Variants in MTM1 observed in about 807,000 individuals in gnomAD.
The protein encoded by MTM1 is myotubularin.
Under a neutral mutation model 52.1 loss-of-function variants are expected in MTM1, and 9 were observed. The ratio of observed to expected loss-of-function variants is 0.17; its 90% CI spans 0.10 to 0.30. MTM1 has a LOEUF of 0.30. Among genes scored for constraint, MTM1 ranks in the 10% least tolerant of loss-of-function variants. The pLI, the probability that MTM1 is intolerant of heterozygous loss-of-function variation, is 1.00. For missense variants in MTM1, 277 were observed against 470.7 expected (o/e 0.59, Z 3.81); for synonymous variants, 136 against 163.8 (o/e 0.83, Z 1.29).
At chrX:150,635,320 G>A in intron 6 of MTM1, among the ~76,000 whole-genome samples, 1 of 112,137 alleles carries the variant, frequency 8.9e-6, no homozygotes. Flanking sequence ...TGGTTATAGT[G>A]GAAAATACTT....
At chrX:150,600,036 G>A (rs782369501) in intron 4 of MTM1, among the ~76,000 whole-genome samples, 3 of 111,621 alleles carry the variant, frequency 2.7e-5, no homozygotes, top group African/African-American at 9.7e-5. Context: ...GACAGACTCC[G>A]GTAAAGACAC....
chrX:150,605,462 C>A (rs1439169236), intron 4 of MTM1, among the ~76,000 whole-genome samples: 2 of 112,317 alleles, frequency 1.8e-5, no homozygotes, highest in East Asian at 5.6e-4. Context: ...TGTTGTTTGG[C>A]TTTTCTCTAA....
At chrX:150,596,743 G>A (rs2038983502) in intron 3 of MTM1, 173 bp downstream of exon 3, 3 of 428,850 alleles carry the variant, frequency 7.0e-6, no homozygotes, top group East Asian at 4.0e-5. Context: ...GAGTTCTTTT[G>A]AGAGCTTCAT....
In MTM1 at chrX:150,645,156, G is replaced by A. The variant is rs1006607355; in HGVS notation, c.679-527G>A. Among the ~76,000 whole-genome samples the A allele has an allele frequency of 8.1e-5, 9 of 111,510 alleles. No individual in the cohort carries two copies. In the South Asian group the frequency reaches 3.4e-3, roughly 42 times the overall value. ...GATGTCCACACTGCACTGTGGAGACGAGCAGATCTATGCTCTTTGGGCTGT... is the reference window on the plus strand; with the variant it reads ...GATGTCCACACTGCACTGTGGAGACAAGCAGATCTATGCTCTTTGGGCTGT... On this transcript the variant is annotated intron_variant, in intron 8 of 14. Coordinates refer to ENST00000370396, the MANE Select transcript of MTM1 (RefSeq NM_000252.3).
chrX:150,589,082 A>G (rs1557412379), intron 1 of MTM1, among the ~76,000 whole-genome samples: 1 of 112,028 alleles, frequency 8.9e-6, no homozygotes, highest in Non-Finnish European at 1.9e-5. Context: ...TTGGTTGGCT[A>G]GGTGAGTTGA....
At chrX:150,622,095 G>A (rs1267831348) in intron 6 of MTM1, among the ~76,000 whole-genome samples, 1 of 109,490 alleles carries the variant, frequency 9.1e-6, no homozygotes, top group African/African-American at 3.3e-5. Flanking sequence ...TCCACAGAGG[G>A]CTTGATTTCT....
intron 5 of MTM1, among the ~76,000 whole-genome samples, chrX:150,615,236 G>A (rs1403007300): frequency 9.0e-6 from 1 of 111,570 alleles, no homozygotes; most frequent in Admixed American, 9.5e-5. Context: ...CCTCTGAGAT[G>A]GCGTGATGGG....
intron 4 of MTM1, among the ~76,000 whole-genome samples, chrX:150,612,789 G>A (rs2039308518): frequency 9.0e-6 from 1 of 111,441 alleles, no homozygotes; most frequent in African/African-American, 3.3e-5. Flanking sequence ...TTTGAGACCA[G>A]CCTGGCCAAC....
chrX:150,642,794 A>G (rs905019783), intron 8 of MTM1, among the ~76,000 whole-genome samples: 12 of 111,750 alleles, frequency 1.1e-4, no homozygotes, highest in African/African-American at 2.6e-4. Flanking sequence ...GGTGAATTCT[A>G]TGGGATTTGA....
At chrX:150,645,629 G>A in intron 8 of MTM1, 54 bp from the exon 9 acceptor site, 1 of 1,090,867 alleles carries the variant, frequency 9.2e-7, no homozygotes, top group Non-Finnish European at 1.3e-6. Flanking sequence ...AGTTTTAATT[G>A]TTTGCTTGGA....
intron 10 of MTM1, among the ~76,000 whole-genome samples, chrX:150,656,298 T>C (rs1342298365): frequency 9.0e-6 from 1 of 110,767 alleles, no homozygotes; most frequent in East Asian, 2.8e-4. Flanking sequence ...GCTCTTACTT[T>C]GTTATGACTA....
intron 6 of MTM1, among the ~76,000 whole-genome samples, chrX:150,620,367 C>T (rs2039456845): frequency 8.9e-6 from 1 of 112,185 alleles, no homozygotes; most frequent in Non-Finnish European, 1.9e-5. Context: ...CAGCTTTCCC[C>T]TTATACTACT....
intron 13 of MTM1, among the ~76,000 whole-genome samples, chrX:150,661,354 G>A (rs1557414682): frequency 8.9e-6 from 1 of 111,807 alleles, no homozygotes; most frequent in Non-Finnish European, 1.9e-5. Context: ...GAGGTTTGGA[G>A]AGAACAAATA....
intron 14 of MTM1, among the ~76,000 whole-genome samples, chrX:150,665,910 A>T (rs1352568899): frequency 8.9e-6 from 1 of 112,207 alleles, no homozygotes. Flanking sequence ...ATCATACGGT[A>T]CTCTAGGAAC....
intron 1 of MTM1, among the ~76,000 whole-genome samples, chrX:150,569,475 C>T (rs781809293): frequency 2.7e-5 from 3 of 112,697 alleles, no homozygotes; most frequent in Non-Finnish European, 5.6e-5. Context: ...AACAGATACA[C>T]CAGATCTTCA....
intron 1 of MTM1, among the ~76,000 whole-genome samples, chrX:150,579,182 G>A: frequency 1.8e-5 from 2 of 110,490 alleles, no homozygotes; most frequent in East Asian, 5.7e-4. Flanking sequence ...AACCTCCTGA[G>A]TAGCTGGGAT....
chrX:150,630,519 G>T (rs147694963), intron 6 of MTM1, among the ~76,000 whole-genome samples: 1,678 of 112,121 alleles, frequency 0.015, 18 homozygotes, highest in Non-Finnish European at 0.024. Context: ...GAGTAAAATT[G>T]AATATCTTTA....
intron 14 of MTM1, among the ~76,000 whole-genome samples, chrX:150,670,779 G>C (rs188105264): frequency 3.6e-5 from 4 of 111,155 alleles, no homozygotes; most frequent in African/African-American, 6.6e-5. Flanking sequence ...ATATGTGCTT[G>C]AGGAGATGTG....
At chrX:150,634,201 TCAATTTATTCCC>T (rs1348986959) in intron 6 of MTM1, among the ~76,000 whole-genome samples, 1 of 112,496 alleles carries the variant, frequency 8.9e-6, no homozygotes, top group Admixed American at 9.4e-5. Context: ...TCATAGTTTA[TCAATTTATTCCC>T]CTGATTATGA....
Sources: gnomAD v4.1 joint callset for allele counts (sites outside exome capture counted in the v4.1 genomes callset) on GRCh38, gnomAD v4.1.1 for gene constraint, MANE v1.5 for transcripts, NCBI Gene and HGNC (gene_info 2026-07-23, HGNC 2026-07-21) for gene names.